NARF: variants seen among roughly 807,000 people sequenced by gnomAD.
NARF encodes nuclear prelamin A recognition factor, also known as iron-only hydrogenase-like protein 2.
Under a neutral mutation model 48.0 loss-of-function variants are expected in NARF, and 41 were observed. The observed-to-expected ratio is 0.85, with a 90% CI of 0.66 to 1.11. NARF has a LOEUF of 1.11. Among genes scored for constraint, NARF ranks in the 50% least tolerant of loss-of-function variants. The pLI, the probability that NARF is intolerant of heterozygous loss-of-function variation, is 0.00. For missense variants in NARF, 613 were observed against 590.2 expected, an observed-to-expected ratio of 1.04 and a Z score of -0.40; for synonymous variants, 215 against 225.5, an observed-to-expected ratio of 0.95 and a Z score of 0.42.
chr17:82,471,530 C>T (rs1024337080), intron 4 of NARF, among the ~76,000 whole-genome samples: 5 of 150,184 alleles, frequency 3.3e-5, no homozygotes, highest in African/African-American at 7.3e-5. Context: ...CGGTGGCTCA[C>T]GCCTGTAATC....
chr17:82,466,417 A>G (rs1335619774), intron 3 of NARF, among the ~76,000 whole-genome samples: 1 of 152,150 alleles, frequency 6.6e-6, no homozygotes, highest in African/African-American at 2.4e-5. Flanking sequence ...TACAACTTAT[A>G]TTTTAGTACG....
At position 82,478,841 on chromosome 17, in the gene NARF, A is replaced by G; in HGVS notation, c.562A>G (p.Thr188Ala). The G allele has an allele frequency of 6.2e-7, 1 of 1,614,034 alleles. No individual in the cohort carries two copies. Among genetic ancestry groups the G allele is most frequent in the Non-Finnish European group, 8.5e-7 (1 of 1,179,992 alleles). Residue 188 changes from threonine to alanine, a missense_variant, in exon 6 of 11, where the codon ACT becomes GCT. Physicochemically the swap from Thr to Ala is moderately conservative, Grantham distance 58. Transcript: ENST00000309794. Reference protein sequence around the residue: ...YAERVLGRPITAHLCTAKSPQ... With the variant: ...YAERVLGRPIAAHLCTAKSPQ... ...CGAGCGGGTGCTGGGTCGCCCCATCACTGCCCACCTCTGCACCGCCAAGTC... is the reference window on the plus strand; with the variant it reads ...CGAGCGGGTGCTGGGTCGCCCCATCGCTGCCCACCTCTGCACCGCCAAGTC...
intron 4 of NARF, among the ~76,000 whole-genome samples, chr17:82,470,641 C>A (rs1366506846): frequency 6.6e-6 from 1 of 151,904 alleles, no homozygotes; most frequent in Non-Finnish European, 1.5e-5. Flanking sequence ...ACTACAGGCG[C>A]CCGCCACCAC....
chr17:82,470,426 T>C (rs571235036), intron 4 of NARF, among the ~76,000 whole-genome samples: 1 of 152,340 alleles, frequency 6.6e-6, no homozygotes, highest in African/African-American at 2.4e-5. Flanking sequence ...AACGGAATGT[T>C]ATATATCAAT....
At chr17:82,484,675 A>G in intron 8 of NARF, 138 bp from the exon 9 acceptor site, 1 of 1,061,162 alleles carries the variant, frequency 9.4e-7, no homozygotes. Flanking sequence ...ACTTTCTGCA[A>G]AGTTTAAACA....
At position 82,490,424 on chromosome 17, in the gene NARF, C is replaced by A. The variant is rs1424749736; in HGVS notation, c.*2267C>A. On this transcript the variant is annotated 3_prime_UTR_variant, in exon 11 of 11. Coordinates refer to ENST00000309794, the MANE Select transcript of NARF (RefSeq NM_012336.4). ...TAACTGCATATATTGTGTTGCGTTG[C>A]CTGTCTTGCTGGATAACTGCATATA... The A allele has an allele frequency of 6.6e-6, 1 of 152,322 alleles. No homozygotes were observed. The highest frequency in any genetic ancestry group is 1.5e-5 in the Non-Finnish European group (1 of 68,086). 9.4% of individuals were successfully genotyped at this position (152,322 alleles called of 1,614,324 possible).
intron 7 of NARF, chr17:82,482,181 G>T: frequency 2.7e-6 from 1 of 365,918 alleles, no homozygotes; most frequent in Non-Finnish European, 5.3e-6. Context: ...AGTGGTAGAT[G>T]AGGCAGAGAG....
In NARF at chr17:82,488,005, A is replaced by G. The variant is rs1401456823; in HGVS notation, c.1219A>G (p.Ile407Val). 4.3e-6 allele frequency: 7 copies of G among 1,614,216 alleles called. No individual in the cohort carries two copies. Among genetic ancestry groups the G allele is most frequent in the South Asian group, 1.1e-5 (1 of 91,086 alleles). Residue 407 changes from isoleucine to valine, a missense_variant, in exon 11 of 11, where the codon ATC becomes GTC. Coordinates refer to ENST00000309794, the MANE Select transcript of NARF (RefSeq NM_012336.4). ...GCAGATGGAAGGCATTTACGCTGAC[A>G]TCCCTGTGCGGCGTCCGGAGTCCAG... is the stretch of plus-strand genomic sequence containing the variant. The part of the protein sequence containing the change: ...LRQMEGIYAD[I>V]PVRRPESSAH...
intron 9 of NARF, among the ~76,000 whole-genome samples, chr17:82,485,217 C>T (rs955996417): frequency 6.6e-6 from 1 of 152,098 alleles, no homozygotes; most frequent in Non-Finnish European, 1.5e-5. Context: ...GTCAGGAGAT[C>T]GAGACCATCC....
rs9893143 is a variant in NARF at position 82,489,818 on chromosome 17, T to C, written c.*1661T>C. On this transcript the variant is annotated 3_prime_UTR_variant, in exon 11 of 11. Coordinates refer to ENST00000309794, the MANE Select transcript of NARF (RefSeq NM_012336.4). ...CCAGGAGTTTCTACATGGGAGACTCTGTCTCTACAAATTTTTTTTTTTTTT... is the reference window on the plus strand; with the variant it reads ...CCAGGAGTTTCTACATGGGAGACTCCGTCTCTACAAATTTTTTTTTTTTTT... 5,608 of 151,742 alleles carry C rather than the reference T, an allele frequency of 0.037. 131 individuals carry two copies. The highest frequency in any genetic ancestry group is 0.073 in the South Asian group (350 of 4,802). 9.4% of individuals were successfully genotyped at this position (151,742 alleles called of 1,614,324 possible).
intron 4 of NARF, among the ~76,000 whole-genome samples, chr17:82,471,315 C>T (rs1041680739): frequency 2.0e-5 from 3 of 151,082 alleles, no homozygotes; most frequent in Non-Finnish European, 2.9e-5. Context: ...AGTAGCCGGG[C>T]GTGGTGACGG....
At chr17:82,465,826 A>G (rs1428469965) in intron 3 of NARF, among the ~76,000 whole-genome samples, 1 of 152,168 alleles carries the variant, frequency 6.6e-6, no homozygotes, top group African/African-American at 2.4e-5. Flanking sequence ...TCAGCCTCCC[A>G]AAGTGTTAGG....
At position 82,486,605 on chromosome 17, in the gene NARF, C is replaced by T. The variant is rs58993150; in HGVS notation, c.1129+951C>T. ...GGCCTCACTGAGCATTCCAGGGGCA[C>T]GGAAGGGTCAGTCCCACAGCTGGGC... is the stretch of plus-strand genomic sequence containing the variant. On this transcript the variant is annotated intron_variant, in intron 10 of 10. Coordinates refer to ENST00000309794, the MANE Select transcript of NARF (RefSeq NM_012336.4). 2.5e-3 allele frequency among the ~76,000 whole-genome samples: 374 copies of T among 152,140 alleles called. 3 individuals carry two copies. Among genetic ancestry groups the T allele is most frequent in the African/African-American group, 8.2e-3 (340 of 41,498 alleles).
chr17:82,473,597 T>G (rs1266842094), intron 5 of NARF, among the ~76,000 whole-genome samples: 1 of 151,904 alleles, frequency 6.6e-6, no homozygotes. Context: ...GTGATCTGCC[T>G]GCCTCGGCCT....
intron 5 of NARF, among the ~76,000 whole-genome samples, chr17:82,475,881 A>G (rs2043821497): frequency 6.6e-6 from 1 of 152,256 alleles, no homozygotes; most frequent in African/African-American, 2.4e-5. Context: ...GACCTCTCAT[A>G]AGGAAATCAA....
At chr17:82,461,896 A>T (rs1320861766) in intron 2 of NARF, among the ~76,000 whole-genome samples, 2 of 152,194 alleles carry the variant, frequency 1.3e-5, no homozygotes, top group Non-Finnish European at 2.9e-5. Flanking sequence ...CTTAGGGAGC[A>T]ACAGGGCCTG....
chr17:82,466,293 T>A (rs1190516328), intron 3 of NARF, among the ~76,000 whole-genome samples: 1 of 152,104 alleles, frequency 6.6e-6, no homozygotes, highest in East Asian at 1.9e-4. Flanking sequence ...TTTTCCCCCC[T>A]GATACATAGA....
At chr17:82,482,703 C>T (rs969007778) in intron 7 of NARF, 2 of 152,254 alleles carry the variant, frequency 1.3e-5, no homozygotes, top group Non-Finnish European at 2.9e-5. Flanking sequence ...ATGGCTCAGA[C>T]CTCTAATTCC....
chr17:82,459,323 A>T (rs1309413315), intron 1 of NARF: 6 of 345,912 alleles, frequency 1.7e-5, no homozygotes, highest in Non-Finnish European at 2.4e-5. Context: ...TGTAGCTGTT[A>T]TTGCCGGAAT....
Sources: gnomAD v4.1 joint callset for allele counts (sites outside exome capture counted in the v4.1 genomes callset) on GRCh38, gnomAD v4.1.1 for gene constraint, MANE v1.5 for transcripts, NCBI Gene and HGNC (gene_info 2026-07-23, HGNC 2026-07-21) for gene names.